Variants in OR52N4 observed in about 807,000 individuals in gnomAD.
The protein encoded by OR52N4 is olfactory receptor family 52 subfamily N member 4.
In OR52N4, 15 loss-of-function variants were observed where a neutral mutation model predicts 15.0. The ratio of observed to expected loss-of-function variants is 1.00; its 90% CI spans 0.67 to 1.54. The LOEUF (loss-of-function observed/expected upper bound fraction) is 1.54. Among genes scored for constraint, OR52N4 ranks in the 40% most tolerant of loss-of-function variants. OR52N4 has a pLI of 0.00. For synonymous variants in OR52N4, 143 were observed against 143.7 expected (o/e 1.00, Z 0.03); for missense variants, 421 against 394.0 (o/e 1.07, Z -0.58).
At chr11:5,740,446 G>T in the OR52N4 span, among the ~76,000 whole-genome samples, 2 of 127,852 alleles carry the variant, frequency 1.6e-5, 1 homozygote, top group East Asian at 5.5e-4. Context: ...AGATTGCAAA[G>T]CTTGTAAAGA....
the OR52N4 span, chr11:5,737,418 C>G: frequency 6.2e-7 from 1 of 1,614,000 alleles, no homozygotes; most frequent in African/African-American, 1.3e-5. Flanking sequence ...ACAGTTTATG[C>G]ACTTCAGACC....
At chr11:5,736,923 G>C in the OR52N4 span, 1 of 1,613,992 alleles carries the variant, frequency 6.2e-7, no homozygotes, top group Non-Finnish European at 8.5e-7. Context: ...GTGGCTATTT[G>C]TCACCCTCTT....
At chr11:5,753,201 A>G (rs1182798363), upstream of OR52N4, among the ~76,000 whole-genome samples, 15 of 152,284 alleles carry the variant, frequency 9.9e-5, no homozygotes, top group East Asian at 2.9e-3. Context: ...GAGATATCTA[A>G]TAAAGAGTTG....
rs912400144 is a variant in OR52N4, at chr11:5,755,855, T to C, written c.*149T>C. On this transcript the variant is annotated 3_prime_UTR_variant, in exon 2 of 2. Coordinates refer to ENST00000641350, the MANE Select transcript of OR52N4 (RefSeq NM_001005175.5). ...GCATTCTCAATAAGTACCTTGGGAA[T>C]CTCAACATCATTGGAAGGCCCACCA... 23 of 925,328 alleles carry C rather than the reference T, an allele frequency of 2.5e-5. No homozygotes were observed. The African/African-American group carries it at 3.7e-4, about 15-fold the overall frequency. 57.3% of individuals were successfully genotyped at this position (925,328 alleles called of 1,614,324 possible).
In OR52N4 at chr11:5,755,084, G is replaced by A. The variant is rs370465558; in HGVS notation, c.344G>A (p.Gly115Glu). 1.5e-4 allele frequency: 246 copies of A among 1,613,858 alleles called. No homozygotes were observed. Among genetic ancestry groups the A allele is most frequent in the Non-Finnish European group, 1.9e-4 (230 of 1,179,986 alleles). Residue 115 changes from glycine (G) to glutamate (E), a missense_variant, in exon 2 of 2, where the codon GGG (glycine) becomes GAG (glutamate). By Grantham distance (98) the Gly-to-Glu change is moderately conservative (BLOSUM62 -2). Coordinates refer to ENST00000641350, the MANE Select transcript of OR52N4 (RefSeq NM_001005175.5). The stretch of plus-strand genomic sequence containing the variant: ...CACACCTTCACAGGGATGGAGTCTG[G>A]GGTGCTTATGCTTATGGCCCTGGAT... Reference protein sequence around the residue: ...FTHTFTGMESGVLMLMALDRY... With the variant: ...FTHTFTGMESEVLMLMALDRY...
At chr11:5,742,356 C>G in the OR52N4 span, among the ~76,000 whole-genome samples, 3 of 148,024 alleles carry the variant, frequency 2.0e-5, no homozygotes. Context: ...GATATCCAGA[C>G]ACAAGAAACT....
chr11:5,733,544 T>C, the OR52N4 span, among the ~76,000 whole-genome samples: 15 of 152,184 alleles, frequency 9.9e-5, no homozygotes, highest in Non-Finnish European at 1.9e-4. Context: ...TTTTTCTTCA[T>C]GTGAACTCTT....
At chr11:5,732,590 CT>C in the OR52N4 span, among the ~76,000 whole-genome samples, 1 of 152,102 alleles carries the variant, frequency 6.6e-6, no homozygotes, top group Non-Finnish European at 1.5e-5. Context: ...TTTTCGGTCT[CT>C]TTTTCTTTCT....
chr11:5,754,091 T>C (rs537872862), upstream of OR52N4, among the ~76,000 whole-genome samples: 1 of 151,956 alleles, frequency 6.6e-6, no homozygotes, highest in South Asian at 2.1e-4. Context: ...AATTATATTA[T>C]TTTAGTTATT....
At chr11:5,731,606 T>C in the OR52N4 span, among the ~76,000 whole-genome samples, 5 of 152,272 alleles carry the variant, frequency 3.3e-5, no homozygotes, top group African/African-American at 1.2e-4. Flanking sequence ...ACATAACAAA[T>C]GTATTATATC....
chr11:5,752,795 C>T (rs12793267), upstream of OR52N4, among the ~76,000 whole-genome samples: 26,257 of 151,956 alleles, frequency 0.17, 2,417 homozygotes, highest in East Asian at 0.25. Flanking sequence ...CACATACTGC[C>T]TTTCAGTTAT....
At chr11:5,742,532 G>A in the OR52N4 span, among the ~76,000 whole-genome samples, 1 of 152,144 alleles carries the variant, frequency 6.6e-6, no homozygotes, top group Non-Finnish European at 1.5e-5. Flanking sequence ...CTCCTCAACA[G>A]AAATCTTACA....
the OR52N4 span, among the ~76,000 whole-genome samples, chr11:5,730,612 A>T: frequency 6.6e-6 from 1 of 151,610 alleles, no homozygotes; most frequent in African/African-American, 2.4e-5. Flanking sequence ...TCATGTCTCT[A>T]ATGTTTTTCA....
At chr11:5,751,475 C>A (rs1385831207), upstream of OR52N4, among the ~76,000 whole-genome samples, 1 of 151,016 alleles carries the variant, frequency 6.6e-6, no homozygotes, top group African/African-American at 2.4e-5. Flanking sequence ...CTAGTGGTTT[C>A]TTTTATACAT....
At chr11:5,752,951 G>A (rs1017451546), upstream of OR52N4, among the ~76,000 whole-genome samples, 7 of 151,942 alleles carry the variant, frequency 4.6e-5, no homozygotes, top group South Asian at 2.1e-4. Context: ...TGTGAGATTC[G>A]TCTATATTAT....
chr11:5,738,771 T>G, the OR52N4 span, among the ~76,000 whole-genome samples: 1 of 152,198 alleles, frequency 6.6e-6, no homozygotes, highest in Admixed American at 6.5e-5. Context: ...TCTTTCTTTT[T>G]TTTTTAAATA....
the OR52N4 span, among the ~76,000 whole-genome samples, chr11:5,730,367 A>AT: frequency 2.0e-3 from 310 of 151,354 alleles, 2 homozygotes; most frequent in African/African-American, 5.4e-3. Context: ...AATTTTTTGT[A>AT]TTTTTTGTAG....
chr11:5,742,112 C>T, the OR52N4 span, among the ~76,000 whole-genome samples: 14 of 136,796 alleles, frequency 1.0e-4, no homozygotes, highest in African/African-American at 2.7e-4. Flanking sequence ...CAAACAAGAA[C>T]GAAAGAGAGA....
chr11:5,748,192 AT>A, the OR52N4 span, among the ~76,000 whole-genome samples: 1 of 151,924 alleles, frequency 6.6e-6, no homozygotes, highest in Non-Finnish European at 1.5e-5. Flanking sequence ...CAACATGATG[AT>A]TTTTGTTAAA....
Sources: gnomAD v4.1 joint callset for allele counts (sites outside exome capture counted in the v4.1 genomes callset) on GRCh38, gnomAD v4.1.1 for gene constraint, MANE v1.5 for transcripts, NCBI Gene and HGNC (gene_info 2026-07-23, HGNC 2026-07-21) for gene names.